RARB: variants seen among roughly 807,000 people sequenced by gnomAD.
RARB encodes retinoic acid receptor beta.
A neutral mutation model predicts 51.9 loss-of-function variants in RARB; 17 were observed. The observed-to-expected ratio is 0.33, with a 90% CI of 0.22 to 0.49. The LOEUF is 0.49. Among genes scored for constraint, RARB ranks in the 20% least tolerant of loss-of-function variants. RARB has a pLI of 0.99. For missense variants in RARB, 369 were observed against 550.8 expected (o/e 0.67, Z 3.30); for synonymous variants, 215 against 195.4 (o/e 1.10, Z -0.84).
intron 5 of RARB, among the ~76,000 whole-genome samples, chr3:25,358,465 C>G (rs190891151): frequency 1.4e-4 from 21 of 152,056 alleles, no homozygotes; most frequent in African/African-American, 4.1e-4. Flanking sequence ...ATTTCAAAAC[C>G]CTTTATTTCT....
chr3:24,885,596 CATTTT>C (rs2125359920), intron 2 of RARB, among the ~76,000 whole-genome samples: 1 of 152,270 alleles, frequency 6.6e-6, no homozygotes, highest in South Asian at 2.1e-4. Context: ...AATGAACCTA[CATTTT>C]TATGAAGAAT....
intron 2 of RARB, among the ~76,000 whole-genome samples, chr3:24,927,603 A>G (rs908881747): frequency 6.6e-6 from 1 of 152,062 alleles, no homozygotes; most frequent in South Asian, 2.1e-4. Context: ...CATGCAAAGA[A>G]GCCTGTTGCT....
At chr3:25,534,721 T>C (rs1376843033) in intron 3 of RARB, among the ~76,000 whole-genome samples, 2 of 152,230 alleles carry the variant, frequency 1.3e-5, no homozygotes, top group Non-Finnish European at 2.9e-5. Flanking sequence ...TTCAGGTTTG[T>C]ATTTTGTTTT....
chr3:25,011,475 T>A (rs1007007209), intron 2 of RARB, among the ~76,000 whole-genome samples: 1 of 152,140 alleles, frequency 6.6e-6, no homozygotes, highest in African/African-American at 2.4e-5. Flanking sequence ...CATCGAATTA[T>A]AGCTATATTT....
intron 2 of RARB, among the ~76,000 whole-genome samples, chr3:25,041,994 T>A (rs1434152234): frequency 6.6e-6 from 1 of 152,024 alleles, no homozygotes; most frequent in Non-Finnish European, 1.5e-5. Context: ...GTGCAAACAA[T>A]CAATGAGAGA....
chr3:25,181,316 C>G (rs150707155), intron 5 of RARB, among the ~76,000 whole-genome samples: 1 of 152,160 alleles, frequency 6.6e-6, no homozygotes, highest in African/African-American at 2.4e-5. Context: ...ATTTACTATG[C>G]ATGTCTTATT....
intron 5 of RARB, among the ~76,000 whole-genome samples, chr3:25,202,851 C>G (rs954617655): frequency 6.6e-6 from 1 of 152,170 alleles, no homozygotes; most frequent in Admixed American, 6.5e-5. Context: ...TGCTTTCCTT[C>G]CAACTATGTG....
intron 1 of RARB, among the ~76,000 whole-genome samples, chr3:24,837,595 G>C (rs1234360842): frequency 1.3e-5 from 2 of 152,202 alleles, no homozygotes; most frequent in Admixed American, 6.5e-5. Context: ...TTAAATTGAA[G>C]AGGTTCAGAT....
chr3:24,919,334 G>A lies in RARB; in HGVS notation c.-380+60582G>A, dbSNP rs1304811959. 6.6e-5 allele frequency among the ~76,000 whole-genome samples: 10 copies of A among 152,222 alleles called. No individual in the cohort carries two copies. The South Asian group carries it at 1.5e-3, about 22-fold the overall frequency. On this transcript the variant is annotated intron_variant, in intron 2 of 11. Transcript: ENST00000383772. ...CTGCCTCTTTACGTATGTGAAGTTC[G>A]GCCTAAAAGTTTCTCCATACAAAGT...
intron 2 of RARB, among the ~76,000 whole-genome samples, chr3:24,920,250 A>T (rs147194094): frequency 6.6e-6 from 1 of 152,192 alleles, no homozygotes; most frequent in Non-Finnish European, 1.5e-5. Context: ...TCTATCCCCA[A>T]TTAGGGCCAA....
chr3:24,849,497 TG>T lies in RARB; in HGVS notation c.-458-9175del, dbSNP rs369336892. Among the ~76,000 whole-genome samples the T allele has an allele frequency of 5.2e-3, 788 of 152,384 alleles. 7 individuals are homozygous for T. Among genetic ancestry groups the T allele is most frequent in the African/African-American group, 0.017 (727 of 41,586 alleles). On this transcript the variant is annotated intron_variant, in intron 1 of 11. Coordinates refer to the RARB transcript ENST00000383772. ...ATAGGGTTAGGTTCCTGTGAGCCTC[TG>T]GTTACAACATTTCCATCAATTAAGT...
chr3:24,888,852 C>T (rs1703316924), intron 2 of RARB, among the ~76,000 whole-genome samples: 1 of 152,172 alleles, frequency 6.6e-6, no homozygotes, highest in Admixed American at 6.5e-5. Context: ...CAGGGCTGTG[C>T]AAAGAGATTT....
chr3:25,512,353 G>A (rs182011383), intron 3 of RARB, among the ~76,000 whole-genome samples: 6 of 152,330 alleles, frequency 3.9e-5, no homozygotes, highest in East Asian at 3.9e-4. Context: ...ACAAAGCAAG[G>A]TGATGGGTAG....
intron 2 of RARB, among the ~76,000 whole-genome samples, chr3:25,002,336 T>G (rs562993483): frequency 6.6e-6 from 1 of 152,268 alleles, no homozygotes; most frequent in East Asian, 1.9e-4. Context: ...TAGATATTTA[T>G]TCTTTGGAGA....
chr3:25,340,445 A>G (rs555926609), intron 5 of RARB, among the ~76,000 whole-genome samples: 1 of 152,226 alleles, frequency 6.6e-6, no homozygotes, highest in East Asian at 1.9e-4. Flanking sequence ...AGCCACCACC[A>G]TCAGGCTTTC....
At chr3:24,896,435 A>AT in intron 2 of RARB, among the ~76,000 whole-genome samples, 1 of 151,958 alleles carries the variant, frequency 6.6e-6, no homozygotes, top group East Asian at 2.0e-4. Context: ...AATTTTTTGT[A>AT]TTTTTAGTAG....
At chr3:25,146,393 A>G (rs1013190361) in intron 4 of RARB, among the ~76,000 whole-genome samples, 1 of 152,122 alleles carries the variant, frequency 6.6e-6, no homozygotes, top group Non-Finnish European at 1.5e-5. Flanking sequence ...GCAGCCATAG[A>G]CAATATATGT....
At chr3:25,024,496 C>G (rs1697702007) in intron 2 of RARB, among the ~76,000 whole-genome samples, 1 of 152,012 alleles carries the variant, frequency 6.6e-6, no homozygotes, top group African/African-American at 2.4e-5. Flanking sequence ...CAAAATGTGC[C>G]TTTGAGATCA....
At chr3:25,545,865 T>C (rs574637170) in intron 3 of RARB, among the ~76,000 whole-genome samples, 1 of 152,230 alleles carries the variant, frequency 6.6e-6, no homozygotes, top group South Asian at 2.1e-4. Flanking sequence ...GGCTTATATC[T>C]TTTGGGTGGG....
Sources: gnomAD v4.1 joint callset for allele counts (sites outside exome capture counted in the v4.1 genomes callset) on GRCh38, gnomAD v4.1.1 for gene constraint, MANE v1.5 for transcripts, NCBI Gene and HGNC (gene_info 2026-07-23, HGNC 2026-07-21) for gene names.